The following BPTF variants were observed in gnomAD, a reference collection of about 807,000 sequenced individuals.
The protein encoded by BPTF is bromodomain PHD finger transcription factor.
BPTF carries 18 observed loss-of-function variants against 292.5 expected under a neutral mutation model. That is an observed-to-expected ratio of 0.06 (90% confidence interval 0.04 to 0.09). The LOEUF is 0.09. BPTF is among the 10% of genes least tolerant of loss of function. BPTF has a pLI of 1.00. For missense variants in BPTF, 2,726 were observed against 3,498.7 expected, an observed-to-expected ratio of 0.78 and a Z score of 5.57; for synonymous variants, 1,225 against 1,251.9, an observed-to-expected ratio of 0.98 and a Z score of 0.45.
At chr17:67,870,248 TTTTC>T (rs2059639494) in intron 3 of BPTF, among the ~76,000 whole-genome samples, 1 of 151,876 alleles carries the variant, frequency 6.6e-6, no homozygotes. Context: ...ATAAATATTT[TTTTC>T]TTTCTTTCCT....
chr17:67,925,984 A>G (rs1402101972), intron 15 of BPTF, among the ~76,000 whole-genome samples: 3 of 143,966 alleles, frequency 2.1e-5, no homozygotes, highest in African/African-American at 7.6e-5. Context: ...ATGTAACCTA[A>G]CATATTACTT....
At chr17:67,938,085 A>G (rs1355881686) in intron 18 of BPTF, among the ~76,000 whole-genome samples, 1 of 152,246 alleles carries the variant, frequency 6.6e-6, no homozygotes, top group African/African-American at 2.4e-5. Context: ...AGCCTGGGCA[A>G]TAGAGCGAGA....
rs1368705966 is a variant in BPTF at position 67,931,048 on chromosome 17, C to A, written c.6151-863C>A. 5.3e-5 allele frequency among the ~76,000 whole-genome samples: 8 copies of A among 151,864 alleles called. No homozygotes were observed. In the East Asian group the frequency reaches 1.5e-3, roughly 29 times the overall value. ...TTGGGAAGCCAAGGGGGGCGGATCACAAGGTCAAGAGATCGAAACCATCCT... is the reference window on the plus strand; with the variant it reads ...TTGGGAAGCCAAGGGGGGCGGATCAAAAGGTCAAGAGATCGAAACCATCCT... On this transcript the variant is annotated intron_variant, in intron 17 of 27. Transcript: ENST00000306378.
intron 1 of BPTF, among the ~76,000 whole-genome samples, chr17:67,834,780 G>A (rs1481765776): frequency 6.6e-6 from 1 of 152,122 alleles, no homozygotes; most frequent in African/African-American, 2.4e-5. Context: ...GTAGTGCCTG[G>A]TTCAATCTCT....
chr17:67,843,100 A>C (rs751043697), intron 1 of BPTF, among the ~76,000 whole-genome samples: 2 of 150,678 alleles, frequency 1.3e-5, no homozygotes, highest in South Asian at 2.1e-4. Context: ...ACATATATCT[A>C]TATATATGTA....
rs188057757 is a variant in BPTF, at chr17:67,866,597, C to T, written c.1570C>T (p.Arg524Cys). ...ACTCTGCAAAATTCTAGAAGAAATG[C>T]GTGAAGAAATCCACCGACACATGGA... ...AELCKILEEMREEIHRHMDIT... is the reference protein window; with the variant it reads ...AELCKILEEMCEEIHRHMDIT... Residue 524 changes from arginine to cysteine, a missense_variant, in exon 3 of 28, where the codon CGT (arginine) becomes TGT (cysteine). Arg to Cys is a radical substitution (Grantham distance 180). Around this residue, in one of 22 missense-constraint regions of BPTF, gnomAD observed 187 missense variants for 201.5 expected, o/e 0.93. Coordinates refer to ENST00000306378, the MANE Select transcript of BPTF (RefSeq NM_182641.4). 1.5e-5 allele frequency: 24 copies of T among 1,613,784 alleles called. No homozygotes were observed. In the Admixed American group the frequency reaches 1.7e-4, roughly 11 times the overall value.
At chr17:67,844,879 G>A (rs761785841) in intron 1 of BPTF, among the ~76,000 whole-genome samples, 2 of 152,268 alleles carry the variant, frequency 1.3e-5, no homozygotes, top group East Asian at 1.9e-4. Flanking sequence ...TAGGAGCTGG[G>A]ATTATAGGCA....
chr17:67,931,476 AAAATAAAT>A (rs901523648), intron 17 of BPTF, among the ~76,000 whole-genome samples: 17 of 152,060 alleles, frequency 1.1e-4, no homozygotes, highest in African/African-American at 2.4e-4. Flanking sequence ...CCCTGTCTTT[AAAATAAAT>A]AAATAAATAA....
chr17:67,932,025 T>C lies in BPTF; in HGVS notation c.6259+6T>C. 1 of 1,605,332 alleles carries C rather than the reference T, an allele frequency of 6.2e-7. No homozygotes were observed. Among genetic ancestry groups the C allele is most frequent in the African/African-American group, 1.3e-5 (1 of 74,846 alleles). On this transcript the variant is annotated splice_donor_region_variant and intron_variant, in intron 18 of 27. Coordinates refer to ENST00000306378, the MANE Select transcript of BPTF (RefSeq NM_182641.4). ...ACCTGTGATGGTACAGCCAGGTATT[T>C]ATCCATCCAGCATTATCATTTTACA...
chr17:67,917,131 C>CTTTTCCTTTTTTTT (rs1194058584), intron 11 of BPTF, among the ~76,000 whole-genome samples: 1 of 105,800 alleles, frequency 9.5e-6, no homozygotes, highest in African/African-American at 3.6e-5. Context: ...TGGTATTGTC[C>CTTTTCCTTTTTTTT]TTTTTTTTTT....
At chr17:67,964,722 C>T (rs531056352) in intron 25 of BPTF, among the ~76,000 whole-genome samples, 54 of 152,180 alleles carry the variant, frequency 3.5e-4, no homozygotes, top group African/African-American at 1.1e-3. Flanking sequence ...TGTTCTTGGC[C>T]GGGCATGGTG....
chr17:67,935,340 T>A (rs1268916136), intron 18 of BPTF, among the ~76,000 whole-genome samples: 1 of 151,904 alleles, frequency 6.6e-6, no homozygotes, highest in Non-Finnish European at 1.5e-5. Context: ...GGCAGGAGGA[T>A]CACATGGGCC....
At chr17:67,869,575 AT>A (rs2059584220) in intron 3 of BPTF, among the ~76,000 whole-genome samples, 1 of 152,210 alleles carries the variant, frequency 6.6e-6, no homozygotes, top group African/African-American at 2.4e-5. Context: ...TCATTAAAAA[AT>A]AACCAATTAG....
At chr17:67,833,974 C>G (rs1004476904) in intron 1 of BPTF, among the ~76,000 whole-genome samples, 2 of 152,114 alleles carry the variant, frequency 1.3e-5, no homozygotes, top group African/African-American at 4.8e-5. Context: ...CTGAATCTCC[C>G]TTATTTCTCT....
chr17:67,905,612 G>A (rs2062130417), intron 9 of BPTF, among the ~76,000 whole-genome samples: 2 of 152,130 alleles, frequency 1.3e-5, no homozygotes, highest in East Asian at 1.9e-4. Flanking sequence ...GGGGGTCTGA[G>A]GCAGGAGGAT....
At chr17:67,903,126 G>A (rs994824189) in intron 7 of BPTF, among the ~76,000 whole-genome samples, 30 of 152,296 alleles carry the variant, frequency 2.0e-4, no homozygotes, top group African/African-American at 6.5e-4. Flanking sequence ...TCTCTTTCTC[G>A]AAAGATGGGG....
Position 67,924,416 on chromosome 17 carries a change from A to C in BPTF, c.5709-131A>C, listed in dbSNP as rs375882496. On this transcript the variant is annotated intron_variant, in intron 14 of 27. Coordinates refer to ENST00000306378, the MANE Select transcript of BPTF (RefSeq NM_182641.4). ...AGGCATGAGCCACCTCGCACAACCA[A>C]ATGTTTTATTTTTAAATTGAGATAA... 8.5e-4 allele frequency: 832 copies of C among 982,072 alleles called. 9 individuals carry two copies. The African/African-American group carries it at 0.012, about 15-fold the overall frequency. The allele number at this position is 982,072 out of a possible 1,614,324, so 60.8% of individuals were successfully genotyped here.
rs570851032 is a variant in BPTF at position 67,930,417 on chromosome 17, T to G, written c.6150+930T>G. 4.6e-5 allele frequency among the ~76,000 whole-genome samples: 7 copies of G among 151,910 alleles called. No homozygotes were observed. The South Asian group carries it at 1.5e-3, about 32-fold the overall frequency. On this transcript the variant is annotated intron_variant, in intron 17 of 27. Transcript: ENST00000306378. Reference sequence around the variant, plus strand: ...TTTTACCATGTTGGTCAGGCTGGTCTCAAACTCCTGACCTCAGGTGATCCA... The same window carrying G: ...TTTTACCATGTTGGTCAGGCTGGTCGCAAACTCCTGACCTCAGGTGATCCA...
chr17:67,926,525 T>A (rs954085117), intron 15 of BPTF, among the ~76,000 whole-genome samples: 3 of 151,640 alleles, frequency 2.0e-5, no homozygotes, highest in Non-Finnish European at 4.4e-5. Flanking sequence ...GGGGTTTCAC[T>A]GTGTTAGCCA....
Sources: allele counts gnomAD v4.1 joint callset (sites outside exome capture counted in the v4.1 genomes callset), GRCh38; gene constraint gnomAD v4.1.1; regional missense constraint gnomAD v4.1.1; transcripts MANE v1.5; gene names NCBI Gene and HGNC (gene_info 2026-07-23, HGNC 2026-07-21).